The following PLEKHG1 variants were observed in gnomAD, a reference collection of about 807,000 sequenced individuals.
The protein encoded by PLEKHG1 is pleckstrin homology domain-containing family G member 1.
In PLEKHG1, 44 loss-of-function variants were observed where a neutral mutation model predicts 100.8. The ratio of observed to expected loss-of-function variants is 0.44; its 90% CI spans 0.34 to 0.56. PLEKHG1 has a LOEUF of 0.56. Ranked by LOEUF, PLEKHG1 falls within the 20% of genes least tolerant of loss-of-function variation. PLEKHG1 has a pLI of 0.01. For missense variants in PLEKHG1, 1,545 were observed against 1,720.9 expected, an observed-to-expected ratio of 0.90 and a Z score of 1.81; for synonymous variants, 640 against 662.5, an observed-to-expected ratio of 0.97 and a Z score of 0.52.
chr6:150,794,840 C>A lies in PLEKHG1; in HGVS notation c.583-1016C>A, dbSNP rs142124169. Among the ~76,000 whole-genome samples, 890 of 152,014 alleles carry A rather than the reference C, an allele frequency of 5.9e-3. 2 individuals carry two copies. The highest frequency in any genetic ancestry group is 9.3e-3 in the Non-Finnish European group (633 of 67,974). On this transcript the variant is annotated intron_variant, in intron 4 of 15. Coordinates refer to ENST00000358517, the Ensembl canonical transcript of PLEKHG1. ...GAAACTTGGGGATTTATTATACCAT[C>A]CTCTCTACTTTTATATATGCTTGAA...
intron 10 of PLEKHG1, among the ~76,000 whole-genome samples, chr6:150,813,867 GA>G (rs1465720565): frequency 1.3e-5 from 2 of 152,152 alleles, no homozygotes; most frequent in Non-Finnish European, 2.9e-5. Context: ...CATGGATGGT[GA>G]AACAGTCCAA....
In PLEKHG1 at chr6:150,840,995, T is replaced by C. The variant is rs1336352870; in HGVS notation, c.*99T>C. ...TTATGTATACCAGATTAAAACAATT[T>C]TGTAAGAACCAGAGGTGTAAAATAT... On this transcript the variant is annotated 3_prime_UTR_variant, in exon 16 of 16. Coordinates refer to ENST00000358517, the Ensembl canonical transcript of PLEKHG1. The C allele has an allele frequency of 3.2e-6, 3 of 935,992 alleles. No individual in the cohort carries two copies. In the Admixed American group the frequency reaches 5.5e-5, roughly 17 times the overall value. The allele number at this position is 935,992 out of a possible 1,614,324, so 58.0% of individuals were successfully genotyped here.
In PLEKHG1 at chr6:150,731,576, A is replaced by G. The variant is rs564748900; in HGVS notation, c.-98-2008A>G. On this transcript the variant is annotated intron_variant, in intron 1 of 15. Transcript: ENST00000358517. ...TATTATAGAATCAAACCAAATTTACATTACTATTGAAAAATGATCATTACT... is the reference window on the plus strand; with the variant it reads ...TATTATAGAATCAAACCAAATTTACGTTACTATTGAAAAATGATCATTACT... 2.6e-5 allele frequency among the ~76,000 whole-genome samples: 4 copies of G among 152,306 alleles called. No individual in the cohort carries two copies. In the East Asian group the frequency reaches 7.7e-4, roughly 29 times the overall value.
At chr6:150,726,094 G>A (rs1333285221) in intron 1 of PLEKHG1, among the ~76,000 whole-genome samples, 4 of 152,160 alleles carry the variant, frequency 2.6e-5, no homozygotes, top group African/African-American at 4.8e-5. Context: ...GACTAGAGTG[G>A]TGCTTGCCAG....
At chr6:150,811,036 C>G (rs1192116967) in intron 10 of PLEKHG1, among the ~76,000 whole-genome samples, 1 of 151,988 alleles carries the variant, frequency 6.6e-6, no homozygotes, top group Non-Finnish European at 1.5e-5. Context: ...GTGCATGAAG[C>G]ACCTATGGGT....
chr6:150,723,642 G>A (rs1268874259), intron 1 of PLEKHG1, among the ~76,000 whole-genome samples: 1 of 152,144 alleles, frequency 6.6e-6, no homozygotes, highest in African/African-American at 2.4e-5. Context: ...GAGCATTGAG[G>A]TTGGTTTTGG....
At chr6:150,833,758 A>G (rs1777084350) in intron 15 of PLEKHG1, among the ~76,000 whole-genome samples, 1 of 152,240 alleles carries the variant, frequency 6.6e-6, no homozygotes, top group Non-Finnish European at 1.5e-5. Flanking sequence ...AGATTTTCTA[A>G]CCAAGGACCA....
At chr6:150,617,961 G>A (rs530378086) in intron 1 of PLEKHG1, among the ~76,000 whole-genome samples, 4 of 152,298 alleles carry the variant, frequency 2.6e-5, no homozygotes, top group African/African-American at 9.6e-5. Flanking sequence ...CTGGAATGGA[G>A]GTGGGAGACT....
intron 4 of PLEKHG1, among the ~76,000 whole-genome samples, chr6:150,793,735 A>G (rs922721802): frequency 8.5e-5 from 13 of 152,188 alleles, no homozygotes; most frequent in African/African-American, 3.1e-4. Flanking sequence ...TACGGAACCT[A>G]AATCTGAGCA....
rs1372976890 is a variant in PLEKHG1 at position 150,830,643 on chromosome 6, A to C, written c.1532A>C (p.Asn511Thr). 3.1e-6 allele frequency: 5 copies of C among 1,613,268 alleles called. No homozygotes were observed. The South Asian group carries it at 5.5e-5, about 18-fold the overall frequency. ...GCAAGGCCGTCTCCTGCCCAGAGAAATAGTCAGCCTAGCAGTTCTACCATG... is the reference window on the plus strand; with the variant it reads ...GCAAGGCCGTCTCCTGCCCAGAGAACTAGTCAGCCTAGCAGTTCTACCATG... Residue 511 changes from asparagine to threonine, a missense_variant, in exon 15 of 16, where the codon AAT becomes ACT. Physicochemically the swap from Asn to Thr is moderately conservative, Grantham distance 65. Coordinates refer to ENST00000358517, the Ensembl canonical transcript of PLEKHG1.
At chr6:150,703,451 A>T (rs1780880025) in intron 3 of PLEKHG1, among the ~76,000 whole-genome samples, 1 of 152,072 alleles carries the variant, frequency 6.6e-6, no homozygotes, top group East Asian at 1.9e-4. Flanking sequence ...AAATACAAAA[A>T]TTAGCCAGGC....
chr6:150,640,142 C>T lies in PLEKHG1; in HGVS notation c.-158+2017C>T, dbSNP rs531950997. Among the ~76,000 whole-genome samples, 41 of 152,364 alleles carry T rather than the reference C, an allele frequency of 2.7e-4. 1 individual carries two copies. Among genetic ancestry groups the T allele is most frequent in the African/African-American group, 7.9e-4 (33 of 41,592 alleles). ...CTGTCTGCTAAGCACATGCCCAGGC[C>T]GGCGTCCCGCCAGTAGGACCGATCA... On this transcript the variant is annotated intron_variant, in intron 2 of 3. Coordinates refer to the PLEKHG1 transcript ENST00000367326.
chr6:150,828,301 A>G (rs890197398), intron 14 of PLEKHG1: 7 of 1,612,104 alleles, frequency 4.3e-6, no homozygotes, highest in South Asian at 1.1e-5. Context: ...GGAAAACCCT[A>G]AGAAGCCGAT....
intron 15 of PLEKHG1, among the ~76,000 whole-genome samples, chr6:150,833,931 C>T (rs936150973): frequency 2.0e-5 from 3 of 152,024 alleles, no homozygotes; most frequent in Admixed American, 1.3e-4. Flanking sequence ...ACATTGACAT[C>T]CATGGAAACT....
At chr6:150,651,442 C>T (rs944647486) in intron 3 of PLEKHG1, among the ~76,000 whole-genome samples, 1 of 152,112 alleles carries the variant, frequency 6.6e-6, no homozygotes, top group Admixed American at 6.6e-5. Flanking sequence ...CCACGTTGGC[C>T]AGGCTGGTCA....
rs376776692 is a variant in PLEKHG1 at position 150,655,447 on chromosome 6, G to A, written c.-99+4661G>A. Among the ~76,000 whole-genome samples the A allele has an allele frequency of 3.3e-5, 5 of 152,260 alleles. No individual in the cohort carries two copies. In the East Asian group the frequency reaches 7.7e-4, roughly 24 times the overall value. On this transcript the variant is annotated intron_variant, in intron 3 of 3. Transcript: ENST00000367326. The stretch of plus-strand genomic sequence containing the variant: ...CACATGGCCAGGTGCGGTGGCTCAC[G>A]CCTGCAATCCCAGCACTTAGGGAGG...
chr6:150,622,468 CT>C (rs1263302763), intron 1 of PLEKHG1, among the ~76,000 whole-genome samples: 2 of 152,126 alleles, frequency 1.3e-5, no homozygotes, highest in Non-Finnish European at 2.9e-5. Context: ...GGTGCCAGAG[CT>C]TCCCAGGCAG....
chr6:150,748,967 AT>A (rs975830082), intron 2 of PLEKHG1, among the ~76,000 whole-genome samples: 46 of 152,040 alleles, frequency 3.0e-4, no homozygotes. Flanking sequence ...CAGTTTCTTC[AT>A]CTTAAAATGG....
At chr6:150,688,190 T>C (rs1156797638) in intron 3 of PLEKHG1, among the ~76,000 whole-genome samples, 3 of 152,236 alleles carry the variant, frequency 2.0e-5, no homozygotes, top group African/African-American at 4.8e-5. Flanking sequence ...CTCCTTTGCT[T>C]CTCAGATGAG....
Sources: allele counts gnomAD v4.1 joint callset (sites outside exome capture counted in the v4.1 genomes callset), GRCh38; gene constraint gnomAD v4.1.1; transcripts MANE v1.5; gene names NCBI Gene and HGNC (gene_info 2026-07-23, HGNC 2026-07-21).